Variants in PDE4D observed in about 807,000 individuals in gnomAD.
PDE4D encodes 3',5'-cyclic-AMP phosphodiesterase 4D.
In PDE4D, 24 loss-of-function variants were observed where a neutral mutation model predicts 87.4. The observed-to-expected ratio is 0.27, with a 90% CI of 0.20 to 0.39. PDE4D has a LOEUF of 0.39. Among genes scored for constraint, PDE4D ranks in the 10% least tolerant of loss-of-function variants. The probability of loss-of-function intolerance (pLI) is 1.00; values close to 1 mark genes in which losing one functional copy is unlikely to be tolerated. For synonymous variants in PDE4D, 384 were observed against 383.2 expected, an observed-to-expected ratio of 1.00 and a Z score of -0.02; for missense variants, 714 against 1,041.0, an observed-to-expected ratio of 0.69 and a Z score of 4.32.
chr5:59,631,858 T>C (rs960936682), intron 1 of PDE4D, among the ~76,000 whole-genome samples: 29 of 152,132 alleles, frequency 1.9e-4, no homozygotes, highest in African/African-American at 7.0e-4. Context: ...AGTTTTTTTT[T>C]CATAACCCAA....
Position 58,974,613 on chromosome 5 carries a change from G to GAAAC in PDE4D, c.*47_*50dup, listed in dbSNP as rs1256107836. 3 of 1,494,470 alleles carry GAAAC rather than the reference G, an allele frequency of 2.0e-6. No individual in the cohort carries two copies. The South Asian group carries it at 4.1e-5, about 20-fold the overall frequency. 92.6% of individuals were successfully genotyped at this position (1,494,470 alleles called of 1,614,324 possible). On this transcript the variant is annotated 3_prime_UTR_variant, in exon 15 of 15. Coordinates refer to ENST00000340635, the MANE Select transcript of PDE4D (RefSeq NM_001104631.2). ...GTTGTGGCATGTGACATGCACTTTG[G>GAAAC]AAACAATTTTTCTACTTAAAAAAAA...
intron 3 of PDE4D, among the ~76,000 whole-genome samples, chr5:59,934,973 G>A (rs191710491): frequency 3.9e-5 from 6 of 152,190 alleles, no homozygotes; most frequent in African/African-American, 4.8e-5. Context: ...TTATTCCACC[G>A]TAAATATAAT....
intron 1 of PDE4D, among the ~76,000 whole-genome samples, chr5:59,467,474 C>A (rs1801752821): frequency 6.6e-6 from 1 of 152,110 alleles, no homozygotes; most frequent in Non-Finnish European, 1.5e-5. Context: ...TCTCTGAAAC[C>A]TTTTAACCTT....
chr5:60,305,708 TA>T (rs34949876), intron 1 of PDE4D, among the ~76,000 whole-genome samples: 113 of 141,640 alleles, frequency 8.0e-4, no homozygotes, highest in East Asian at 1.8e-3. Context: ...ACTTCTTACT[TA>T]AAAAAAAAAA....
intron 1 of PDE4D, among the ~76,000 whole-genome samples, chr5:59,348,526 T>G (rs1779973372): frequency 1.3e-5 from 2 of 152,090 alleles, no homozygotes; most frequent in African/African-American, 4.8e-5. Flanking sequence ...TTTTGAATGT[T>G]TAATTCATTG....
At chr5:60,317,545 G>T (rs1433189441) in intron 1 of PDE4D, among the ~76,000 whole-genome samples, 2 of 152,096 alleles carry the variant, frequency 1.3e-5, no homozygotes, top group African/African-American at 4.8e-5. Context: ...GAATGTGTTT[G>T]CTCTTGCTTC....
chr5:59,477,514 C>T (rs981199344), intron 1 of PDE4D, among the ~76,000 whole-genome samples: 6 of 151,810 alleles, frequency 4.0e-5, no homozygotes, highest in African/African-American at 1.5e-4. Flanking sequence ...TTTTAAAATA[C>T]TACATTTAGG....
At chr5:60,358,568 CTT>C in intron 1 of PDE4D, among the ~76,000 whole-genome samples, 1 of 152,234 alleles carries the variant, frequency 6.6e-6, no homozygotes, top group East Asian at 1.9e-4. Flanking sequence ...TCATAAGGCA[CTT>C]TACAGGACAG....
chr5:60,059,059 T>TGG (rs1190365206), intron 2 of PDE4D, among the ~76,000 whole-genome samples: 1 of 151,560 alleles, frequency 6.6e-6, no homozygotes, highest in Non-Finnish European at 1.5e-5. Context: ...TGTGTGTGTG[T>TGG]GTGTGTGTGT....
intron 1 of PDE4D, among the ~76,000 whole-genome samples, chr5:60,450,322 A>T (rs1393726729): frequency 6.6e-6 from 1 of 152,100 alleles, no homozygotes; most frequent in Non-Finnish European, 1.5e-5. Flanking sequence ...ACTATCTTCT[A>T]GGTATTCAAA....
chr5:59,640,371 C>T (rs1378021682), intron 1 of PDE4D, among the ~76,000 whole-genome samples: 1 of 152,210 alleles, frequency 6.6e-6, no homozygotes, highest in Non-Finnish European at 1.5e-5. Flanking sequence ...TGCATTAAGT[C>T]AATCAATCAA....
chr5:59,730,730 A>T (rs1031797058), intron 1 of PDE4D, among the ~76,000 whole-genome samples: 2 of 152,096 alleles, frequency 1.3e-5, no homozygotes, highest in African/African-American at 4.8e-5. Flanking sequence ...AAGAACAGAG[A>T]GGTTGCAGAT....
chr5:60,245,920 A>T (rs1747708481), intron 1 of PDE4D, among the ~76,000 whole-genome samples: 1 of 151,894 alleles, frequency 6.6e-6, no homozygotes, highest in Admixed American at 6.6e-5. Context: ...TTAAATAACT[A>T]AAAGAGTATA....
intron 5 of PDE4D, among the ~76,000 whole-genome samples, chr5:59,056,615 C>T (rs756884182): frequency 2.0e-5 from 3 of 151,936 alleles, no homozygotes; most frequent in Non-Finnish European, 2.9e-5. Context: ...CCAACCCCCA[C>T]CAGGCCCCAG....
chr5:59,040,432 T>C (rs1210801196), intron 5 of PDE4D, among the ~76,000 whole-genome samples: 1 of 152,240 alleles, frequency 6.6e-6, no homozygotes, highest in Non-Finnish European at 1.5e-5. Flanking sequence ...TCCTTTCCCC[T>C]GTGAATTGCA....
chr5:59,366,832 TAA>T (rs1387781078), intron 1 of PDE4D, among the ~76,000 whole-genome samples: 1 of 152,222 alleles, frequency 6.6e-6, no homozygotes, highest in Non-Finnish European at 1.5e-5. Flanking sequence ...GTGCCTAGTG[TAA>T]AAGTCAGCTT....
intron 1 of PDE4D, among the ~76,000 whole-genome samples, chr5:60,498,716 T>C (rs1040081366): frequency 1.3e-5 from 2 of 152,218 alleles, no homozygotes; most frequent in African/African-American, 4.8e-5. Flanking sequence ...ATCACTTGTA[T>C]AATCAGCTTG....
chr5:59,689,183 C>A (rs573520371), intron 1 of PDE4D, among the ~76,000 whole-genome samples: 1 of 152,082 alleles, frequency 6.6e-6, no homozygotes, highest in Non-Finnish European at 1.5e-5. Context: ...CTATTCCAAT[C>A]GATAGAAAAA....
chr5:59,531,305 A>T (rs144478945), intron 1 of PDE4D, among the ~76,000 whole-genome samples: 2 of 152,276 alleles, frequency 1.3e-5, no homozygotes, highest in East Asian at 3.9e-4. Flanking sequence ...GCAAATGTTA[A>T]CCTGGAGGGC....
Sources: allele counts gnomAD v4.1 joint callset (sites outside exome capture counted in the v4.1 genomes callset), GRCh38; gene constraint gnomAD v4.1.1; transcripts MANE v1.5; gene names NCBI Gene and HGNC (gene_info 2026-07-23, HGNC 2026-07-21).